Variants in PPP2R3C observed in about 807,000 individuals in gnomAD.
The protein encoded by PPP2R3C is protein phosphatase 2 regulatory subunit B''gamma.
In PPP2R3C, 47 loss-of-function variants were observed where a neutral mutation model predicts 63.7. That is an observed-to-expected ratio of 0.74 (90% CI 0.58 to 0.94). PPP2R3C has a LOEUF of 0.94. Among genes scored for constraint, PPP2R3C ranks in the 40% least tolerant of loss-of-function variants. The pLI is 0.00. For synonymous variants in PPP2R3C, 180 were observed against 177.4 expected (o/e 1.01, Z -0.12); for missense variants, 421 against 518.4 (o/e 0.81, Z 1.82).
intron 1 of PPP2R3C, among the ~76,000 whole-genome samples, chr14:35,118,823 T>G (rs1295646566): frequency 6.6e-6 from 1 of 151,752 alleles, no homozygotes; most frequent in African/African-American, 2.4e-5. Flanking sequence ...CCGGCTAAAT[T>G]TTGTATTTTT....
intron 2 of PPP2R3C, among the ~76,000 whole-genome samples, chr14:35,113,464 G>C (rs2046623117): frequency 6.6e-6 from 1 of 152,148 alleles, no homozygotes; most frequent in East Asian, 1.9e-4. Flanking sequence ...TTTGGTCCCG[G>C]AAGTACAAGA....
intron 6 of PPP2R3C, chr14:35,102,212 G>A (rs534440532): frequency 6.6e-6 from 1 of 151,864 alleles, no homozygotes; most frequent in South Asian, 2.1e-4. Flanking sequence ...TTAGTAGAGA[G>A]GGGGTTTCGC....
chr14:35,091,014 G>A lies in PPP2R3C; in HGVS notation c.1113+56C>T, dbSNP rs1173933543. 3 of 1,496,214 alleles carry A rather than the reference G, an allele frequency of 2.0e-6. No homozygotes were observed. In the East Asian group the frequency reaches 7.1e-5, roughly 35 times the overall value. 92.7% of individuals were successfully genotyped at this position (1,496,214 alleles called of 1,614,324 possible). A position where few individuals can be genotyped will look rare whatever the true frequency, so the allele number is the denominator to read the frequency against. Reference sequence around the variant, plus strand: ...ACAGGCGTGAGCCACTGCACCGGCAGCAACAAAATGATATATCTTAAGGAA... The same window carrying A: ...ACAGGCGTGAGCCACTGCACCGGCAACAACAAAATGATATATCTTAAGGAA... On this transcript the variant is annotated intron_variant, in intron 11 of 12. Transcript: ENST00000261475.
chr14:35,116,739 T>G lies in PPP2R3C; in HGVS notation c.59-2A>C, dbSNP rs756739898. 6.3e-7 allele frequency: 1 copy of G among 1,579,572 alleles called. No individual in the cohort carries two copies. The highest frequency in any genetic ancestry group is 8.6e-7 in the Non-Finnish European group (1 of 1,160,000). On this transcript the variant is annotated splice_acceptor_variant, in intron 1 of 12. Coordinates refer to ENST00000261475, the MANE Select transcript of PPP2R3C (RefSeq NM_017917.4). LOFTEE classifies it high-confidence loss of function. ...TTAATTCTTGTTCACTTTTTTTTTC[T>G]GGTAACAAAACAGATTAAGGGGAGC...
chr14:35,105,869 G>A (rs1249154824), intron 6 of PPP2R3C, among the ~76,000 whole-genome samples: 1 of 151,512 alleles, frequency 6.6e-6, no homozygotes, highest in Non-Finnish European at 1.5e-5. Context: ...TTGAGATGGA[G>A]TCTCGCTCTT....
At chr14:35,115,484 GT>G (rs1187687110) in intron 2 of PPP2R3C, among the ~76,000 whole-genome samples, 2 of 151,742 alleles carry the variant, frequency 1.3e-5, no homozygotes, top group African/African-American at 4.8e-5. Context: ...TTGAGACAGG[GT>G]CTTTGCTCTA....
chr14:35,109,783 C>T (rs1000215315), intron 4 of PPP2R3C, 36 bp downstream of exon 4: 8 of 1,488,336 alleles, frequency 5.4e-6, no homozygotes, highest in Non-Finnish European at 7.5e-6. Context: ...AAATGCTTAA[C>T]ATAACACATT....
chr14:35,099,741 C>CTTT (rs11393206), intron 6 of PPP2R3C: 12 of 156,324 alleles, frequency 7.7e-5, no homozygotes, highest in South Asian at 1.6e-4. Context: ...TTCTTTCCCT[C>CTTT]TTTTTTTTTT....
chr14:35,086,027 G>A (rs1382435711), intron 12 of PPP2R3C: 3 of 395,860 alleles, frequency 7.6e-6, no homozygotes, highest in Non-Finnish European at 4.5e-6. Context: ...GCTATCCTTC[G>A]TTTTATAGAT....
intron 1 of PPP2R3C, 130 bp from the exon 2 acceptor site, chr14:35,116,867 TTAGA>T: frequency 2.8e-6 from 2 of 719,732 alleles, no homozygotes; most frequent in Non-Finnish European, 4.1e-6. Context: ...ACAATTGTGC[TTAGA>T]CACTGAGCAT....
chr14:35,104,753 T>C (rs1175338301), intron 6 of PPP2R3C, among the ~76,000 whole-genome samples: 1 of 152,174 alleles, frequency 6.6e-6, no homozygotes, highest in Non-Finnish European at 1.5e-5. Flanking sequence ...CTTTTTTCTT[T>C]TGAGACAGTC....
rs377707914 is a variant in PPP2R3C, at chr14:35,108,212, A to G, written c.429T>C (p.Phe143=). The G allele has an allele frequency of 3.2e-6, 5 of 1,585,090 alleles. No individual in the cohort carries two copies. The highest frequency in any genetic ancestry group is 3.4e-6 in the Non-Finnish European group (4 of 1,172,538). The part of the protein sequence containing the change: ...KCKQFFTAKV[F]AKLLHTDSYG... ...ATGAATCTGTATGAAGGAGTTTAGC[A>G]AAGACTTTTGCTGTGAAAAATTGCC... Residue 143 remains phenylalanine (F), a synonymous_variant, in exon 5 of 13, where the codon TTT becomes TTC. Transcript: ENST00000261475.
rs200189039 is a variant in PPP2R3C, at chr14:35,096,691, T to G, written c.762+18A>C. The G allele has an allele frequency of 2.3e-5, 37 of 1,606,122 alleles. No homozygotes were observed. Among genetic ancestry groups the G allele is most frequent in the Non-Finnish European group, 3.0e-5 (35 of 1,176,948 alleles). On this transcript the variant is annotated intron_variant, in intron 8 of 12. Coordinates refer to ENST00000261475, the MANE Select transcript of PPP2R3C (RefSeq NM_017917.4). ...GCAACTGTCAAGTGATACAATTAAGTAGTTTAAAAACATTTACCTCCAATA... is the reference window on the plus strand; with the variant it reads ...GCAACTGTCAAGTGATACAATTAAGGAGTTTAAAAACATTTACCTCCAATA...
At chr14:35,119,812 C>CT (rs2046811233) in intron 1 of PPP2R3C, among the ~76,000 whole-genome samples, 1 of 148,690 alleles carries the variant, frequency 6.7e-6, no homozygotes, top group Admixed American at 6.7e-5. Context: ...TAGTGGTGGA[C>CT]TGGAGGGACT....
At chr14:35,119,412 C>G (rs1034573599) in intron 1 of PPP2R3C, among the ~76,000 whole-genome samples, 1 of 152,158 alleles carries the variant, frequency 6.6e-6, no homozygotes, top group African/African-American at 2.4e-5. Context: ...TCATAGCTCA[C>G]TGCAGCCCCA....
At chr14:35,112,380 G>A (rs1321797177) in intron 2 of PPP2R3C, among the ~76,000 whole-genome samples, 1 of 152,188 alleles carries the variant, frequency 6.6e-6, no homozygotes, top group African/African-American at 2.4e-5. Flanking sequence ...TAGGATTACA[G>A]GCATGAGCCA....
At chr14:35,092,161 C>T (rs1281237656) in intron 10 of PPP2R3C, among the ~76,000 whole-genome samples, 7 of 152,100 alleles carry the variant, frequency 4.6e-5, no homozygotes, top group Non-Finnish European at 1.0e-4. Flanking sequence ...CTTGATCTCC[C>T]AGGCTCAAGC....
chr14:35,087,628 GACCT>G, intron 12 of PPP2R3C: 1 of 265,724 alleles, frequency 3.8e-6, no homozygotes, highest in South Asian at 4.3e-5. Flanking sequence ...TTGAACTCCT[GACCT>G]CGGATGATCC....
intron 1 of PPP2R3C, among the ~76,000 whole-genome samples, chr14:35,121,517 A>G (rs2046891621): frequency 6.6e-6 from 1 of 152,260 alleles, no homozygotes; most frequent in African/African-American, 2.4e-5. Context: ...AGAAAAATAA[A>G]AGGAAAAATG....
Sources: allele counts gnomAD v4.1 joint callset (sites outside exome capture counted in the v4.1 genomes callset), GRCh38; gene constraint gnomAD v4.1.1; transcripts MANE v1.5; gene names NCBI Gene and HGNC (gene_info 2026-07-23, HGNC 2026-07-21).